Variants in DIS3L2 observed in about 807,000 individuals in gnomAD.
DIS3L2 encodes DIS3-like exonuclease 2.
In DIS3L2, 34 loss-of-function variants were observed where a neutral mutation model predicts 97.5. The ratio of observed to expected loss-of-function variants is 0.35; its 90% CI spans 0.27 to 0.46. The LOEUF (loss-of-function observed/expected upper bound fraction) is 0.46, where lower values mean the gene tolerates loss of function less well. Ranked by LOEUF, DIS3L2 falls within the 20% of genes least tolerant of loss-of-function variation. The probability of loss-of-function intolerance (pLI) is 1.00; values close to 1 mark genes in which losing one functional copy is unlikely to be tolerated. For synonymous variants in DIS3L2, 435 were observed against 445.2 expected, an observed-to-expected ratio of 0.98 and a Z score of 0.29; for missense variants, 1,038 against 1,146.0, an observed-to-expected ratio of 0.91 and a Z score of 1.36.
At chr2:232,055,791 G>A (rs1297649471) in intron 5 of DIS3L2, among the ~76,000 whole-genome samples, 1 of 152,124 alleles carries the variant, frequency 6.6e-6, no homozygotes, top group Non-Finnish European at 1.5e-5. Flanking sequence ...GCTAGTGAAT[G>A]GGATAGAAAG....
At chr2:232,310,165 A>G (rs1186307294) in intron 14 of DIS3L2, among the ~76,000 whole-genome samples, 1 of 152,222 alleles carries the variant, frequency 6.6e-6, no homozygotes, top group African/African-American at 2.4e-5. Flanking sequence ...AGACACTGCC[A>G]GGTTAGCTTG....
intron 9 of DIS3L2, among the ~76,000 whole-genome samples, chr2:232,202,426 A>G (rs1691918841): frequency 6.6e-6 from 1 of 152,164 alleles, no homozygotes; most frequent in Non-Finnish European, 1.5e-5. Flanking sequence ...AAAAACATAG[A>G]ACGATGAGAG....
chr2:232,222,016 C>G (rs1692521787), intron 10 of DIS3L2, among the ~76,000 whole-genome samples: 1 of 147,468 alleles, frequency 6.8e-6, no homozygotes, highest in African/African-American at 2.5e-5. Context: ...GATCTCGGCT[C>G]ACTGCAACCT....
chr2:232,223,681 A>C (rs997906604), intron 10 of DIS3L2, among the ~76,000 whole-genome samples: 1 of 152,244 alleles, frequency 6.6e-6, no homozygotes, highest in Non-Finnish European at 1.5e-5. Context: ...GGGGATAATA[A>C]TATCTAACTC....
chr2:231,976,628 C>CA (rs763912124), intron 1 of DIS3L2, among the ~76,000 whole-genome samples: 1,529 of 122,356 alleles, frequency 0.012, 17 homozygotes, highest in African/African-American at 0.033. Context: ...GACCCTCTCT[C>CA]AAAAAAAAAA....
intron 14 of DIS3L2, 28 bp from the exon 15 acceptor site, chr2:232,329,785 T>TCCCCGGGGGGCACC: frequency 2.1e-6 from 2 of 967,144 alleles, no homozygotes; most frequent in Admixed American, 3.4e-5. Flanking sequence ...ACCCCAGCGG[T>TCCCCGGGGGGCACC]CCCTCCCATC....
intron 6 of DIS3L2, among the ~76,000 whole-genome samples, chr2:232,112,474 G>A (rs1352577262): frequency 1.3e-5 from 2 of 152,196 alleles, no homozygotes; most frequent in Non-Finnish European, 2.9e-5. Context: ...CATAACAGAT[G>A]TGCTCTGGAT....
chr2:232,185,606 G>A (rs759276917), intron 9 of DIS3L2, among the ~76,000 whole-genome samples: 5 of 152,144 alleles, frequency 3.3e-5, no homozygotes, highest in Admixed American at 6.5e-5. Context: ...AGGCCTAGGC[G>A]GGTGGATCAC....
intron 3 of DIS3L2, among the ~76,000 whole-genome samples, chr2:232,019,273 AG>A (rs1479718522): frequency 6.6e-6 from 1 of 152,144 alleles, no homozygotes; most frequent in African/African-American, 2.4e-5. Context: ...GAAATCAAGC[AG>A]GGTGTGGTGG....
At chr2:232,165,462 AG>A (rs749699844) in intron 9 of DIS3L2, among the ~76,000 whole-genome samples, 20 of 152,328 alleles carry the variant, frequency 1.3e-4, no homozygotes, top group South Asian at 4.1e-4. Flanking sequence ...GATTCAGTGG[AG>A]TGGTAAGGCA....
intron 10 of DIS3L2, among the ~76,000 whole-genome samples, chr2:232,232,085 G>A (rs1692807593): frequency 6.6e-6 from 1 of 152,238 alleles, no homozygotes; most frequent in African/African-American, 2.4e-5. Context: ...GGGTGTAACT[G>A]TCATTTAAGG....
intron 1 of DIS3L2, among the ~76,000 whole-genome samples, chr2:231,969,877 A>T (rs1383610215): frequency 7.1e-6 from 1 of 140,240 alleles, no homozygotes; most frequent in African/African-American, 2.6e-5. Context: ...GTTTACTGAG[A>T]TTTTTTTTTT....
intron 6 of DIS3L2, among the ~76,000 whole-genome samples, chr2:232,118,653 C>A (rs1190411526): frequency 2.0e-5 from 3 of 152,170 alleles, no homozygotes; most frequent in Non-Finnish European, 2.9e-5. Context: ...TGTTTAATTC[C>A]TGAGTATTTT....
At chr2:232,010,508 T>C (rs1694168080) in intron 1 of DIS3L2, among the ~76,000 whole-genome samples, 1 of 152,344 alleles carries the variant, frequency 6.6e-6, no homozygotes, top group Non-Finnish European at 1.5e-5. Flanking sequence ...TTGAGATTTA[T>C]TTTAATTTTG....
At chr2:232,264,978 G>A (rs887096573) in intron 13 of DIS3L2, among the ~76,000 whole-genome samples, 11 of 152,196 alleles carry the variant, frequency 7.2e-5, no homozygotes, top group Non-Finnish European at 5.9e-5. Flanking sequence ...GAGGCAGAGC[G>A]GATGCTGAAG....
chr2:231,997,977 T>C (rs1693775160), intron 1 of DIS3L2, among the ~76,000 whole-genome samples: 1 of 152,216 alleles, frequency 6.6e-6, no homozygotes, highest in Non-Finnish European at 1.5e-5. Flanking sequence ...ATGAGTGGCA[T>C]AGAGTTGTCA....
At chr2:232,161,229 T>C (rs943017568) in intron 8 of DIS3L2, among the ~76,000 whole-genome samples, 10 of 152,158 alleles carry the variant, frequency 6.6e-5, no homozygotes, top group Admixed American at 1.3e-4. Flanking sequence ...TTGTTCATTT[T>C]CTATTCATTG....
chr2:232,159,338 G>C (rs1197691948), intron 8 of DIS3L2, among the ~76,000 whole-genome samples: 1 of 152,218 alleles, frequency 6.6e-6, no homozygotes, highest in Non-Finnish European at 1.5e-5. Flanking sequence ...TGCCACCGCT[G>C]CTATCACGAG....
chr2:232,099,596 AT>A (rs1282857096), intron 6 of DIS3L2, among the ~76,000 whole-genome samples: 3 of 152,204 alleles, frequency 2.0e-5, no homozygotes, highest in African/African-American at 7.2e-5. Flanking sequence ...ATTATAATAA[AT>A]TAATGAAATG....
Sources: allele counts gnomAD v4.1 joint callset (sites outside exome capture counted in the v4.1 genomes callset), GRCh38; gene constraint gnomAD v4.1.1; transcripts MANE v1.5; gene names NCBI Gene and HGNC (gene_info 2026-07-23, HGNC 2026-07-21).